Variants in GSE1 observed in about 807,000 individuals in gnomAD.
GSE1 encodes genetic suppressor element 1.
In GSE1, 32 loss-of-function variants were observed where a neutral mutation model predicts 112.6. The observed-to-expected ratio is 0.28, with a 90% CI of 0.21 to 0.38. The LOEUF is 0.38. Among genes scored for constraint, GSE1 ranks in the 10% least tolerant of loss-of-function variants. The pLI is 1.00. For synonymous variants in GSE1, 1,115 were observed against 735.6 expected, an observed-to-expected ratio of 1.52 and a Z score of -8.35; for missense variants, 2,348 against 1,699.2, an observed-to-expected ratio of 1.38 and a Z score of -6.71.
chr16:85,525,360 G>A (rs1017063763), intron 2 of GSE1, among the ~76,000 whole-genome samples: 7 of 152,348 alleles, frequency 4.6e-5, no homozygotes, highest in Admixed American at 1.3e-4. Flanking sequence ...CAGCCCGAGG[G>A]AAGGGCGGCT....
intron 2 of GSE1, among the ~76,000 whole-genome samples, chr16:85,534,049 C>T (rs2044235621): frequency 6.6e-6 from 1 of 152,080 alleles, no homozygotes; most frequent in South Asian, 2.1e-4. Flanking sequence ...CCTTCCCAAT[C>T]ATCTCTCCAC....
intron 1 of GSE1, among the ~76,000 whole-genome samples, chr16:85,250,149 C>T (rs891881557): frequency 1.8e-4 from 27 of 152,212 alleles, no homozygotes; most frequent in African/African-American, 6.3e-4. Context: ...GAGGCCAGGC[C>T]GAGCCCTTGG....
At chr16:85,236,627 C>T (rs1264949026) in intron 1 of GSE1, among the ~76,000 whole-genome samples, 1 of 152,132 alleles carries the variant, frequency 6.6e-6, no homozygotes, top group African/African-American at 2.4e-5. Context: ...AATGCCTGCT[C>T]TTGGGTCCCA....
At chr16:85,576,785 C>A (rs1471232091) in intron 1 of GSE1, among the ~76,000 whole-genome samples, 2 of 152,146 alleles carry the variant, frequency 1.3e-5, no homozygotes, top group African/African-American at 4.8e-5. Flanking sequence ...GGGACTGATG[C>A]CCTGGTGTGT....
intron 2 of GSE1, among the ~76,000 whole-genome samples, chr16:85,637,992 G>T (rs74886389): frequency 6.6e-6 from 1 of 152,180 alleles, no homozygotes; most frequent in Admixed American, 6.5e-5. Flanking sequence ...CAGAGCTGGC[G>T]CACCCAGGGA....
intron 1 of GSE1, among the ~76,000 whole-genome samples, chr16:85,190,405 C>G (rs1449988997): frequency 6.6e-6 from 1 of 152,208 alleles, no homozygotes; most frequent in African/African-American, 2.4e-5. Context: ...TGTTTCATTT[C>G]TTATACAAAG....
intron 2 of GSE1, among the ~76,000 whole-genome samples, chr16:85,640,729 CAAAG>C (rs1336369766): frequency 6.6e-6 from 1 of 152,258 alleles, no homozygotes; most frequent in African/African-American, 2.4e-5. Context: ...ATCTGCCTCT[CAAAG>C]AAAACAGCAA....
At chr16:85,210,160 A>C (rs1436043304) in intron 1 of GSE1, among the ~76,000 whole-genome samples, 3 of 152,226 alleles carry the variant, frequency 2.0e-5, no homozygotes, top group Admixed American at 2.0e-4. Flanking sequence ...ATTTGTCAGC[A>C]GGTGTCAAGG....
intron 3 of GSE1, 29 bp downstream of exon 3, chr16:85,648,780 G>C (rs377472966): frequency 7.4e-7 from 1 of 1,351,700 alleles, no homozygotes; most frequent in Non-Finnish European, 1.0e-6. Flanking sequence ...GGAGCCTAGC[G>C]TCCTCTAAGT....
intron 2 of GSE1, among the ~76,000 whole-genome samples, chr16:85,527,771 C>T (rs556550288): frequency 2.0e-5 from 3 of 152,364 alleles, no homozygotes; most frequent in Non-Finnish European, 4.4e-5. Context: ...TGGACGTGGA[C>T]AGCTGTGAAT....
At chr16:85,420,331 T>C (rs750743480) in intron 2 of GSE1, among the ~76,000 whole-genome samples, 8 of 152,188 alleles carry the variant, frequency 5.3e-5, no homozygotes, top group Non-Finnish European at 1.0e-4. Flanking sequence ...TTTCCAACTT[T>C]GGGTGTCCAG....
chr16:85,231,648 C>A (rs966873672), intron 1 of GSE1, among the ~76,000 whole-genome samples: 2 of 152,164 alleles, frequency 1.3e-5, no homozygotes, highest in African/African-American at 4.8e-5. Flanking sequence ...GCCCCCTCTC[C>A]CTGCCTTCCT....
intron 2 of GSE1, among the ~76,000 whole-genome samples, chr16:85,398,977 CA>C (rs1409818415): frequency 6.6e-6 from 1 of 152,108 alleles, no homozygotes; most frequent in African/African-American, 2.4e-5. Context: ...GTGTGTGTAG[CA>C]TGTGCATATG....
chr16:85,314,369 C>T (rs2045939785), intron 1 of GSE1, among the ~76,000 whole-genome samples: 1 of 152,170 alleles, frequency 6.6e-6, no homozygotes, highest in African/African-American at 2.4e-5. Context: ...GCTTGTGTCT[C>T]ACGGGTAGAG....
chr16:85,357,720 A>G (rs2046979002), intron 2 of GSE1: 1 of 961,308 alleles, frequency 1.0e-6, no homozygotes, highest in African/African-American at 1.7e-5. Context: ...GGGCTCCCAG[A>G]GCCGAGTTCA....
At chr16:85,664,650 G>A (rs887130304) in intron 11 of GSE1, 1 of 191,518 alleles carries the variant, frequency 5.2e-6, no homozygotes, top group East Asian at 1.5e-4. Flanking sequence ...TGCCTCAGAG[G>A]CCAGGCCTGG....
intron 1 of GSE1, among the ~76,000 whole-genome samples, chr16:85,315,169 T>A (rs1021807596): frequency 7.0e-6 from 1 of 142,034 alleles, no homozygotes; most frequent in Non-Finnish European, 1.5e-5. Context: ...CACCGCAGGG[T>A]GATCTTTTGA....
At position 85,200,518 on chromosome 16, in the gene GSE1, C is replaced by G. The variant is rs889070433; in HGVS notation, c.2283+28711C>G. On this transcript the variant is annotated intron_variant, in intron 1 of 2. Transcript: ENST00000637419. ...GAGCCTGAACCCAGGGCCCTGTTCT[C>G]TAAATCCTGACCTGTCAGCTCTGGG... Among the ~76,000 whole-genome samples the G allele has an allele frequency of 6.6e-5, 10 of 152,222 alleles. No individual in the cohort carries two copies. The East Asian group carries it at 1.7e-3, about 27-fold the overall frequency.
At chr16:85,671,200 G>A in intron 15 of GSE1, 102 bp downstream of exon 15, 1 of 657,058 alleles carries the variant, frequency 1.5e-6, no homozygotes, top group Non-Finnish European at 2.7e-6. Flanking sequence ...GTGCTCTTAA[G>A]AGATCAAAAT....
Sources: gnomAD v4.1 joint callset for allele counts (sites outside exome capture counted in the v4.1 genomes callset) on GRCh38, gnomAD v4.1.1 for gene constraint, MANE v1.5 for transcripts, NCBI Gene and HGNC (gene_info 2026-07-23, HGNC 2026-07-21) for gene names.